AP4E1: variants seen among roughly 807,000 people sequenced by gnomAD.
AP4E1 encodes the protein adaptor related protein complex 4 subunit epsilon 1.
Under a neutral mutation model 128.2 loss-of-function variants are expected in AP4E1, and 56 were observed. That is an observed-to-expected ratio of 0.44 (90% CI 0.35 to 0.55). AP4E1 has a LOEUF of 0.55. Among genes scored for constraint, AP4E1 ranks in the 20% least tolerant of loss-of-function variants. AP4E1 has a pLI of 0.00. For missense variants in AP4E1, 1,324 were observed against 1,307.7 expected (o/e 1.01, Z -0.19); for synonymous variants, 484 against 473.1 (o/e 1.02, Z -0.30).
chr15:50,964,955 C>CCCCACACACACA (rs1555459128), intron 14 of AP4E1, among the ~76,000 whole-genome samples: 26 of 131,368 alleles, frequency 2.0e-4, no homozygotes, highest in African/African-American at 2.7e-4. Flanking sequence ...CCTCCCCCTA[C>CCCCACACACACA]CACACACACA....
chr15:50,999,008 T>C, intron 18 of AP4E1, 64 bp from the exon 19 acceptor site: 1 of 1,437,798 alleles, frequency 7.0e-7, no homozygotes, highest in Non-Finnish European at 9.8e-7. Context: ...AGAAAATTGG[T>C]AGTCATGTAA....
Position 50,929,110 on chromosome 15 carries a change from G to A in AP4E1, c.644G>A (p.Cys215Tyr), listed in dbSNP as rs978589469. ...HIHIKFRKALCDRDVGVMAAS... is the reference protein window; with the variant it reads ...HIHIKFRKALYDRDVGVMAAS... Reference sequence around the variant, plus strand: ...CATATTAAGTTTCGGAAAGCACTTTGTGACAGAGATGTTGGGGTCATGGCT... The same window carrying A: ...CATATTAAGTTTCGGAAAGCACTTTATGACAGAGATGTTGGGGTCATGGCT... The change falls in exon 6 of 21, where the codon TGT (cysteine) becomes TAT (tyrosine). Residue 215 changes from cysteine (C) to tyrosine (Y), a missense_variant. Coordinates refer to ENST00000261842, the MANE Select transcript of AP4E1 (RefSeq NM_007347.5). 1 of 1,613,772 alleles carries A rather than the reference G, an allele frequency of 6.2e-7. No individual in the cohort carries two copies. Among genetic ancestry groups the A allele is most frequent in the Non-Finnish European group, 8.5e-7 (1 of 1,179,922 alleles).
At chr15:50,941,162 C>T (rs2063981090) in intron 8 of AP4E1, among the ~76,000 whole-genome samples, 2 of 152,000 alleles carry the variant, frequency 1.3e-5, no homozygotes, top group African/African-American at 4.8e-5. Context: ...GTACTGAAAC[C>T]ATGCCTGGCA....
chr15:50,975,541 T>C (rs1446095842), intron 15 of AP4E1, among the ~76,000 whole-genome samples: 1 of 147,102 alleles, frequency 6.8e-6, no homozygotes, highest in Non-Finnish European at 1.5e-5. Flanking sequence ...CAATGTTGTT[T>C]GTTGAGAAGA....
At chr15:50,986,245 A>G (rs181015783) in intron 16 of AP4E1, among the ~76,000 whole-genome samples, 32 of 152,260 alleles carry the variant, frequency 2.1e-4, no homozygotes, top group South Asian at 8.3e-4. Context: ...CAATCATGTC[A>G]TCTGCAAACA....
intron 15 of AP4E1, among the ~76,000 whole-genome samples, chr15:50,973,063 G>A (rs2064503652): frequency 6.6e-6 from 1 of 152,202 alleles, no homozygotes; most frequent in Non-Finnish European, 1.5e-5. Context: ...TTTTGGTAAA[G>A]GGGAAATCAT....
At chr15:50,938,280 C>T (rs2063935106) in intron 8 of AP4E1, among the ~76,000 whole-genome samples, 1 of 152,088 alleles carries the variant, frequency 6.6e-6, no homozygotes, top group Non-Finnish European at 1.5e-5. Context: ...GAAAAGCCTG[C>T]CCTCTCTCAC....
At chr15:50,960,914 T>A (rs920108399) in intron 14 of AP4E1, among the ~76,000 whole-genome samples, 1 of 151,386 alleles carries the variant, frequency 6.6e-6, no homozygotes, top group Non-Finnish European at 1.5e-5. Flanking sequence ...AAGATTCAAA[T>A]AAGTAAAACC....
Position 50,958,591 on chromosome 15 carries a change from A to G in AP4E1, c.1648A>G (p.Thr550Ala), listed in dbSNP as rs138167034. ...TATGAATGACTCTGTGTCTTCAGAA[A>G]CAAAAGCCTGGTTAATTGCTGCTGT... Reference protein sequence around the residue: ...LLMNDSVSSETKAWLIAAVTK... With the variant: ...LLMNDSVSSEAKAWLIAAVTK... The change falls in exon 14 of 21, where the codon ACA becomes GCA. Residue 550 changes from threonine (T) to alanine (A), a missense_variant. Transcript: ENST00000261842. The G allele has an allele frequency of 2.5e-6, 4 of 1,614,042 alleles. No homozygotes were observed. Among genetic ancestry groups the G allele is most frequent in the African/African-American group, 1.3e-5 (1 of 74,930 alleles).
Position 51,004,326 on chromosome 15 carries a change from G to T in AP4E1, c.*1664G>T, listed in dbSNP as rs1484468868. On this transcript the variant is annotated 3_prime_UTR_variant, in exon 21 of 21. Coordinates refer to ENST00000261842, the MANE Select transcript of AP4E1 (RefSeq NM_007347.5). ...CTGCTGTGACTCTGACAGAGAGGAA[G>T]TGCCTTCTCACTTTGCAAAGGAATG... 1 of 152,234 alleles carries T rather than the reference G, an allele frequency of 6.6e-6. No homozygotes were observed. Among genetic ancestry groups the T allele is most frequent in the African/African-American group, 2.4e-5 (1 of 41,458 alleles). 9.4% of individuals were successfully genotyped at this position (152,234 alleles called of 1,614,324 possible).
intron 15 of AP4E1, among the ~76,000 whole-genome samples, chr15:50,977,706 G>GTTTTTTTTTGTT (rs2064572048): frequency 1.2e-5 from 1 of 80,292 alleles, no homozygotes; most frequent in Non-Finnish European, 2.6e-5. Flanking sequence ...ATCTGTTATG[G>GTTTTTTTTTGTT]TTTTTTTTTT....
At chr15:50,915,401 T>C (rs1237418744) in intron 2 of AP4E1, 47 bp from the exon 3 acceptor site, 1 of 1,583,530 alleles carries the variant, frequency 6.3e-7, no homozygotes, top group Non-Finnish European at 8.7e-7. Context: ...TAAAACAATC[T>C]AAATATTCTG....
At chr15:50,914,356 A>G (rs939001748) in intron 2 of AP4E1, among the ~76,000 whole-genome samples, 1 of 152,100 alleles carries the variant, frequency 6.6e-6, no homozygotes, top group Admixed American at 6.6e-5. Context: ...TGACATATTA[A>G]AATAGTCTAT....
intron 2 of AP4E1, among the ~76,000 whole-genome samples, chr15:50,912,884 G>A (rs935295717): frequency 2.2e-4 from 34 of 152,056 alleles, no homozygotes; most frequent in African/African-American, 7.5e-4. Context: ...GGCTAGTATC[G>A]CACTCCTGAC....
At chr15:50,966,723 G>A (rs1194481325) in intron 14 of AP4E1, among the ~76,000 whole-genome samples, 1 of 151,934 alleles carries the variant, frequency 6.6e-6, no homozygotes, top group African/African-American at 2.4e-5. Flanking sequence ...TTTTAGTAGA[G>A]ACGAGGTTTC....
At chr15:50,937,746 A>G (rs1396631938) in intron 8 of AP4E1, among the ~76,000 whole-genome samples, 1 of 152,180 alleles carries the variant, frequency 6.6e-6, no homozygotes, top group Non-Finnish European at 1.5e-5. Flanking sequence ...TGGAGGGAAC[A>G]TGAGAGAAGG....
intron 3 of AP4E1, among the ~76,000 whole-genome samples, chr15:50,919,535 A>AAAAT (rs68106715): frequency 0.012 from 1,807 of 147,584 alleles, 12 homozygotes; most frequent in East Asian, 0.02. Flanking sequence ...TCCATCTCAA[A>AAAAT]AAATAAATAA....
At chr15:50,926,638 G>A (rs1178594733) in intron 5 of AP4E1, among the ~76,000 whole-genome samples, 14 of 150,090 alleles carry the variant, frequency 9.3e-5, no homozygotes, top group Admixed American at 4.0e-4. Context: ...TTGCTCGGTC[G>A]CCCAGGCTGG....
rs2065003993 is a variant in AP4E1 at position 51,005,091 on chromosome 15, G to A, written c.*2429G>A. 1 of 152,254 alleles carries A rather than the reference G, an allele frequency of 6.6e-6. No homozygotes were observed. Among genetic ancestry groups the A allele is most frequent in the Non-Finnish European group, 1.5e-5 (1 of 68,102 alleles). 9.4% of individuals were successfully genotyped at this position (152,254 alleles called of 1,614,324 possible). On this transcript the variant is annotated 3_prime_UTR_variant, in exon 21 of 21. Coordinates refer to ENST00000261842, the MANE Select transcript of AP4E1 (RefSeq NM_007347.5). ...AGTAGAGACAAGGTTTCTCCATGTT[G>A]GTCAGGCTGGTCTCGAACTCCCGAC...
Sources: gnomAD v4.1 joint callset for allele counts (sites outside exome capture counted in the v4.1 genomes callset) on GRCh38, gnomAD v4.1.1 for gene constraint, MANE v1.5 for transcripts, NCBI Gene and HGNC (gene_info 2026-07-23, HGNC 2026-07-21) for gene names.